The following NCOA7 variants were observed in gnomAD, a reference collection of about 807,000 sequenced individuals.
The protein encoded by NCOA7 is 140 kDa estrogen receptor-associated protein.
A neutral mutation model predicts 104.3 loss-of-function variants in NCOA7; 45 were observed. The ratio of observed to expected loss-of-function variants is 0.43; its 90% CI spans 0.34 to 0.55. The LOEUF is 0.55. Ranked by LOEUF, NCOA7 falls within the 20% of genes least tolerant of loss-of-function variation. NCOA7 has a pLI of 0.02. For synonymous variants in NCOA7, 398 were observed against 402.3 expected (o/e 0.99, Z 0.13); for missense variants, 1,041 against 1,119.7 (o/e 0.93, Z 1.00).
Position 125,863,646 on chromosome 6 carries a change from T to G in NCOA7, c.271+8406T>G, listed in dbSNP as rs1782224468. On this transcript the variant is annotated intron_variant, in intron 3 of 15. Coordinates refer to ENST00000392477, the MANE Select transcript of NCOA7 (RefSeq NM_181782.5). Reference sequence around the variant, plus strand: ...CTAATTCTGTCTTCGGCCTGCTCGATCCACAAAATACCATATAACTGAGTG... The same window carrying G: ...CTAATTCTGTCTTCGGCCTGCTCGAGCCACAAAATACCATATAACTGAGTG... 1.4e-5 allele frequency among the ~76,000 whole-genome samples: 2 copies of G among 137,982 alleles called. 1 individual carries two copies. Among genetic ancestry groups the G allele is most frequent in the South Asian group, 4.3e-4 (2 of 4,602 alleles). 90.5% of individuals were successfully genotyped at this position (137,982 alleles called of 152,430 possible).
chr6:125,817,694 TGTA>T (rs1174694869), intron 2 of NCOA7, among the ~76,000 whole-genome samples: 1 of 152,218 alleles, frequency 6.6e-6, no homozygotes, highest in Non-Finnish European at 1.5e-5. Context: ...TCTCCCGGAC[TGTA>T]GTTTGTCTTT....
chr6:125,804,097 T>G (rs1195202426), intron 1 of NCOA7, among the ~76,000 whole-genome samples: 1 of 152,198 alleles, frequency 6.6e-6, no homozygotes, highest in Non-Finnish European at 1.5e-5. Context: ...ATAATGAGAT[T>G]GAGTTCTGTA....
At chr6:125,784,426 T>A (rs1483055144) in intron 1 of NCOA7, among the ~76,000 whole-genome samples, 2 of 152,230 alleles carry the variant, frequency 1.3e-5, no homozygotes, top group Non-Finnish European at 1.5e-5. Flanking sequence ...TTATCACATA[T>A]ACATGCTGAT....
At chr6:125,807,759 A>G (rs1340706736) in intron 1 of NCOA7, among the ~76,000 whole-genome samples, 1 of 152,214 alleles carries the variant, frequency 6.6e-6, no homozygotes, top group Admixed American at 6.5e-5. Context: ...TCATGAGGAC[A>G]GGGCATAAGA....
intron 3 of NCOA7, among the ~76,000 whole-genome samples, chr6:125,856,235 A>G (rs949216898): frequency 6.6e-6 from 1 of 152,032 alleles, no homozygotes; most frequent in Non-Finnish European, 1.5e-5. Context: ...AATACGGTAA[A>G]TGAAATGTGG....
intron 10 of NCOA7, among the ~76,000 whole-genome samples, chr6:125,893,721 C>T (rs1784792706): frequency 6.6e-6 from 1 of 152,060 alleles, no homozygotes. Flanking sequence ...GTTTTAGATA[C>T]TAGAAATTAG....
At chr6:125,842,946 T>A (rs769874248) in intron 2 of NCOA7, among the ~76,000 whole-genome samples, 9 of 152,188 alleles carry the variant, frequency 5.9e-5, no homozygotes, top group Admixed American at 1.3e-4. Context: ...TAGTAATGAT[T>A]TAGACATAGA....
In NCOA7 at chr6:125,882,397, T is replaced by C. The variant is rs767898526; in HGVS notation, c.574-29T>C. The C allele has an allele frequency of 4.4e-6, 7 of 1,608,078 alleles. No homozygotes were observed. In the South Asian group the frequency reaches 7.8e-5, roughly 18 times the overall value. ...TAATTTGTTTGAAAAGTGCTTTTAT[T>C]TGATTTTGAAATTTTTTGCTTTCAC... On this transcript the variant is annotated intron_variant, in intron 6 of 15. Coordinates refer to ENST00000392477, the MANE Select transcript of NCOA7 (RefSeq NM_181782.5).
At chr6:125,875,015 T>G (rs1783241263) in intron 4 of NCOA7, 47 bp downstream of exon 4, 1 of 1,396,412 alleles carries the variant, frequency 7.2e-7, no homozygotes, top group African/African-American at 1.4e-5. Flanking sequence ...AGCACTACAT[T>G]TATATAATGG....
intron 2 of NCOA7, among the ~76,000 whole-genome samples, chr6:125,836,166 T>C (rs1454545686): frequency 6.6e-6 from 1 of 152,222 alleles, no homozygotes; most frequent in Non-Finnish European, 1.5e-5. Flanking sequence ...CAATTTAGTG[T>C]TTAATACCAC....
chr6:125,883,110 A>G (rs1783979537), intron 7 of NCOA7, among the ~76,000 whole-genome samples: 1 of 151,970 alleles, frequency 6.6e-6, no homozygotes, highest in African/African-American at 2.4e-5. Context: ...TCTTCTTTTT[A>G]GTTTTTTGGT....
intron 10 of NCOA7, among the ~76,000 whole-genome samples, chr6:125,914,910 T>C (rs142159902): frequency 6.6e-6 from 1 of 152,346 alleles, no homozygotes; most frequent in East Asian, 1.9e-4. Context: ...TACAATGCAA[T>C]AGTACTTTGA....
intron 3 of NCOA7, among the ~76,000 whole-genome samples, chr6:125,858,463 A>T (rs1330355054): frequency 1.3e-5 from 2 of 151,886 alleles, no homozygotes; most frequent in African/African-American, 4.8e-5. Flanking sequence ...GCAATGTACA[A>T]GATCCTGCCT....
chr6:125,843,129 G>A (rs1292957860), intron 2 of NCOA7, among the ~76,000 whole-genome samples: 1 of 152,164 alleles, frequency 6.6e-6, no homozygotes, highest in Non-Finnish European at 1.5e-5. Context: ...ATGTGATTAA[G>A]GGCCTTGATA....
intron 3 of NCOA7, among the ~76,000 whole-genome samples, chr6:125,871,215 G>C (rs1460457289): frequency 2.0e-5 from 3 of 152,246 alleles, no homozygotes; most frequent in Non-Finnish European, 4.4e-5. Flanking sequence ...GGAAAGGTCA[G>C]TGTCATTGGA....
At chr6:125,837,619 C>T (rs1583335771) in intron 2 of NCOA7, among the ~76,000 whole-genome samples, 1 of 151,888 alleles carries the variant, frequency 6.6e-6, no homozygotes, top group Non-Finnish European at 1.5e-5. Flanking sequence ...GGTTTATTTT[C>T]TTCTATTTCT....
Position 125,881,138 on chromosome 6 carries a change from T to C in NCOA7, c.508T>C (p.Ser170Pro). Residue 170 changes from serine (S) to proline (P), a missense_variant, in exon 6 of 16, where the codon TCA becomes CCA. Transcript: ENST00000392477. ...CTCTCCTTCCAGTACCTTAAGGCTATCATCATCCAGTCCTGGTGCTACTGT... is the reference window on the plus strand; with the variant it reads ...CTCTCCTTCCAGTACCTTAAGGCTACCATCATCCAGTCCTGGTGCTACTGT... ...ANSPSSTLRLSSSSPGATVSP... is the reference protein window; with the variant it reads ...ANSPSSTLRLPSSSPGATVSP... The C allele has an allele frequency of 6.2e-7, 1 of 1,614,046 alleles. No individual in the cohort carries two copies. The highest frequency in any genetic ancestry group is 8.5e-7 in the Non-Finnish European group (1 of 1,179,932).
At chr6:125,892,259 C>G (rs1267424691) in intron 10 of NCOA7, among the ~76,000 whole-genome samples, 1 of 152,104 alleles carries the variant, frequency 6.6e-6, no homozygotes, top group East Asian at 1.9e-4. Flanking sequence ...TTTGCTGCAA[C>G]TGTCTGCACC....
In NCOA7 at chr6:125,915,403, G is replaced by GGTGGT; in HGVS notation, c.2168_2169insTGGTG (p.Phe724GlyfsTer11). ...CTATGGAAAAGATGCCAAAGAGCAA[G>GGTGGT]GCTTTGTGGTGGTGGAGAAGGAAGA... On this transcript the variant is annotated frameshift_variant, in exon 11 of 16. Transcript: ENST00000392477. LOFTEE classifies it high-confidence loss of function. 1.2e-6 allele frequency: 2 copies of GGTGGT among 1,613,920 alleles called. No homozygotes were observed. The highest frequency in any genetic ancestry group is 1.7e-6 in the Non-Finnish European group (2 of 1,179,848).
Sources: allele counts gnomAD v4.1 joint callset (sites outside exome capture counted in the v4.1 genomes callset), GRCh38; gene constraint gnomAD v4.1.1; transcripts MANE v1.5; gene names NCBI Gene and HGNC (gene_info 2026-07-23, HGNC 2026-07-21).